ZNF254: variants seen among roughly 807,000 people sequenced by gnomAD.
ZNF254 encodes the protein CTD-2017D11.1.
Under a neutral mutation model 12.4 loss-of-function variants are expected in ZNF254, and 10 were observed. The ratio of observed to expected loss-of-function variants is 0.80; its 90% CI spans 0.50 to 1.36. The LOEUF (loss-of-function observed/expected upper bound fraction) is 1.36. ZNF254 is among the 40% of genes most tolerant of loss of function. The pLI is 0.00. For synonymous variants in ZNF254, 305 were observed against 253.4 expected (o/e 1.20, Z -1.93); for missense variants, 996 against 763.9 (o/e 1.30, Z -3.58).
chr19:24,083,269 A>G (rs1971914313), upstream of ZNF254, among the ~76,000 whole-genome samples: 1 of 152,150 alleles, frequency 6.6e-6, no homozygotes, highest in Non-Finnish European at 1.5e-5. Context: ...AGGCCATGAA[A>G]GATCTCTACA....
intron 1 of ZNF254, among the ~76,000 whole-genome samples, chr19:24,095,710 G>A (rs1972631158): frequency 6.6e-6 from 1 of 151,746 alleles, no homozygotes; most frequent in African/African-American, 2.4e-5. Context: ...ATTTTTGTGG[G>A]GTCAGTGGTA....
intron 1 of ZNF254, among the ~76,000 whole-genome samples, chr19:24,040,687 T>C (rs1970121925): frequency 1.3e-5 from 2 of 152,190 alleles, no homozygotes. Context: ...ACAGCATACA[T>C]GGTGAGCACA....
At chr19:24,101,829 A>G (rs1973047952) in intron 1 of ZNF254, among the ~76,000 whole-genome samples, 1 of 152,194 alleles carries the variant, frequency 6.6e-6, no homozygotes, top group African/African-American at 2.4e-5. Flanking sequence ...CAGGCTGACA[A>G]GAGTGGGCAA....
chr19:24,063,580 G>T (rs191725160), intron 2 of ZNF254, among the ~76,000 whole-genome samples: 1 of 152,098 alleles, frequency 6.6e-6, no homozygotes. Flanking sequence ...ATCCTGGACC[G>T]GTCTACAGAG....
At position 24,127,838 on chromosome 19, in the gene ZNF254, G is replaced by T; in HGVS notation, c.1838G>T (p.Trp613Leu). 6.2e-7 allele frequency: 1 copy of T among 1,612,888 alleles called. No individual in the cohort carries two copies. Among genetic ancestry groups the T allele is most frequent in the Non-Finnish European group, 8.5e-7 (1 of 1,179,606 alleles). ...KCEECGKAFF[W>L]SSTLTKHKRI... ...GAAGAATGTGGCAAAGCATTTTTCTGGTCCTCAACCCTAACTAAACATAAG... is the reference window on the plus strand; with the variant it reads ...GAAGAATGTGGCAAAGCATTTTTCTTGTCCTCAACCCTAACTAAACATAAG... Residue 613 changes from tryptophan (W) to leucine (L), a missense_variant, in exon 4 of 4, where the codon TGG (tryptophan) becomes TTG (leucine). Physicochemically the swap from Trp to Leu is moderately conservative, Grantham distance 61. Transcript: ENST00000357002.
At chr19:24,055,743 C>G (rs1422563755) in intron 2 of ZNF254, among the ~76,000 whole-genome samples, 1 of 152,162 alleles carries the variant, frequency 6.6e-6, no homozygotes, top group Admixed American at 6.6e-5. Context: ...TGGTGACACT[C>G]AGAGCAAGAT....
chr19:24,046,387 A>ATATATATATATATG (rs1555750860), intron 2 of ZNF254: 3 of 100,054 alleles, frequency 3.0e-5, no homozygotes, highest in African/African-American at 1.0e-4. Flanking sequence ...ATATATATAT[A>ATATATATATATATG]TATATATATA....
At chr19:24,093,475 A>G (rs185962117) in intron 1 of ZNF254, among the ~76,000 whole-genome samples, 9 of 152,276 alleles carry the variant, frequency 5.9e-5, no homozygotes, top group Admixed American at 2.6e-4. Flanking sequence ...TATATGGTGT[A>G]ATAAAGGGGT....
At chr19:24,121,193 C>G (rs1486201123) in intron 3 of ZNF254, among the ~76,000 whole-genome samples, 2 of 151,766 alleles carry the variant, frequency 1.3e-5, no homozygotes, top group Non-Finnish European at 2.9e-5. Context: ...TTTACTACAT[C>G]AAAATTTGGG....
chr19:24,092,287 C>T (rs1389606550), intron 1 of ZNF254, among the ~76,000 whole-genome samples: 1 of 151,860 alleles, frequency 6.6e-6, no homozygotes, highest in African/African-American at 2.4e-5. Context: ...CTGCTTCAGC[C>T]TCTCGAATAG....
upstream of ZNF254, among the ~76,000 whole-genome samples, chr19:24,086,776 T>C (rs1972056490): frequency 6.6e-6 from 1 of 152,176 alleles, no homozygotes; most frequent in African/African-American, 2.4e-5. Flanking sequence ...CGCGCCCAGC[T>C]GATGGATTTA....
chr19:24,046,162 C>G (rs868601409), intron 1 of ZNF254: 2 of 151,862 alleles, frequency 1.3e-5, no homozygotes, highest in African/African-American at 4.8e-5. Flanking sequence ...CATTAATCAT[C>G]TGACTTTTTA....
At chr19:24,056,540 A>T (rs867443258) in intron 2 of ZNF254, among the ~76,000 whole-genome samples, 2 of 152,148 alleles carry the variant, frequency 1.3e-5, no homozygotes, top group African/African-American at 4.8e-5. Context: ...GCATTGTGAC[A>T]TATTGCTGGG....
At chr19:24,050,628 C>T (rs1970610164) in intron 2 of ZNF254, among the ~76,000 whole-genome samples, 1 of 152,210 alleles carries the variant, frequency 6.6e-6, no homozygotes, top group Non-Finnish European at 1.5e-5. Flanking sequence ...TGCTGACTCG[C>T]AGAAGTCACT....
At position 24,087,265 on chromosome 19, in the gene ZNF254, C is replaced by T. The variant is rs369338295; in HGVS notation, c.-43C>T. 1 of 1,612,656 alleles carries T rather than the reference C, an allele frequency of 6.2e-7. No individual in the cohort carries two copies. Among genetic ancestry groups the T allele is most frequent in the Non-Finnish European group, 8.5e-7 (1 of 1,179,122 alleles). On this transcript the variant is annotated 5_prime_UTR_variant, in exon 1 of 4. Coordinates refer to ENST00000357002, the MANE Select transcript of ZNF254 (RefSeq NM_203282.4). ...TCCTCTGCTCCTAGAGGCCCAGCCTCTGTGGCGCTGTTACCAGCAGGTATT... is the reference window on the plus strand; with the variant it reads ...TCCTCTGCTCCTAGAGGCCCAGCCTTTGTGGCGCTGTTACCAGCAGGTATT...
chr19:24,092,199 ATGT>A (rs769854513), intron 1 of ZNF254, among the ~76,000 whole-genome samples: 11 of 132,956 alleles, frequency 8.3e-5, no homozygotes, highest in Non-Finnish European at 1.4e-4. Context: ...TGGAATTTTG[ATGT>A]TGTTGCCCTG....
chr19:24,037,632 G>A (rs1307238731), intron 1 of ZNF254, among the ~76,000 whole-genome samples: 1 of 150,826 alleles, frequency 6.6e-6, no homozygotes, highest in Non-Finnish European at 1.5e-5. Flanking sequence ...TTTTTGAGAT[G>A]TAGTTTCGCT....
Position 24,126,922 on chromosome 19 carries a change from A to G in ZNF254, c.922A>G (p.Thr308Ala), listed in dbSNP as rs748035118. ...TGGCAAAGCATTTATCTGGTCCTCA[A>G]CCCTTACTGAGCATAAGAAAATTCA... ...ECGKAFIWSS[T>A]LTEHKKIHTR... Residue 308 changes from threonine to alanine, a missense_variant, in exon 4 of 4, where the codon ACC becomes GCC. Physicochemically the swap from Thr to Ala is moderately conservative, Grantham distance 58 (BLOSUM62 0). Coordinates refer to ENST00000357002, the MANE Select transcript of ZNF254 (RefSeq NM_203282.4). 21 of 1,613,514 alleles carry G rather than the reference A, an allele frequency of 1.3e-5. No homozygotes were observed. The African/African-American group carries it at 1.7e-4, about 13-fold the overall frequency.
At chr19:24,102,064 G>C (rs1973063861) in intron 1 of ZNF254, among the ~76,000 whole-genome samples, 1 of 152,130 alleles carries the variant, frequency 6.6e-6, no homozygotes, top group African/African-American at 2.4e-5. Flanking sequence ...CTACCATGCA[G>C]GAACTTTTAG....
Sources: gnomAD v4.1 joint callset for allele counts (sites outside exome capture counted in the v4.1 genomes callset) on GRCh38, gnomAD v4.1.1 for gene constraint, MANE v1.5 for transcripts, NCBI Gene and HGNC (gene_info 2026-07-23, HGNC 2026-07-21) for gene names.